SYN3: variants seen among roughly 807,000 people sequenced by gnomAD.
SYN3 encodes synapsin III.
SYN3 carries 35 observed loss-of-function variants against 65.8 expected under a neutral mutation model. That is an observed-to-expected ratio of 0.53 (90% CI 0.41 to 0.70). The LOEUF is 0.70. Among genes scored for constraint, SYN3 ranks in the 30% least tolerant of loss-of-function variants. The pLI is 0.00. For synonymous variants in SYN3, 270 were observed against 292.9 expected (o/e 0.92, Z 0.80); for missense variants, 680 against 749.0 (o/e 0.91, Z 1.08).
rs556671967 is a variant in SYN3 at position 32,978,744 on chromosome 22, A to C, written c.369+1901T>G. 2.0e-5 allele frequency among the ~76,000 whole-genome samples: 3 copies of C among 152,314 alleles called. No individual in the cohort carries two copies. In the South Asian group the frequency reaches 6.2e-4, roughly 32 times the overall value. On this transcript the variant is annotated intron_variant, in intron 3 of 13. Transcript: ENST00000358763. ...ACTAGCTGTGTGACCTGCCTGGGCA[A>C]TTTATTAAGCTCTCTGAGCCCAAGT...
At chr22:32,687,052 C>T (rs1301407735) in intron 6 of SYN3, among the ~76,000 whole-genome samples, 2 of 152,198 alleles carry the variant, frequency 1.3e-5, no homozygotes, top group African/African-American at 4.8e-5. Flanking sequence ...ATAGCTTTCT[C>T]CATCTCAGAA....
At chr22:32,551,786 A>C (rs1246950054) in intron 7 of SYN3, among the ~76,000 whole-genome samples, 1 of 152,204 alleles carries the variant, frequency 6.6e-6, no homozygotes, top group African/African-American at 2.4e-5. Context: ...AAATGACTTG[A>C]TATCTGAGAT....
chr22:32,980,760 C>T lies in SYN3; in HGVS notation c.312-58G>A, dbSNP rs955681794. On this transcript the variant is annotated intron_variant, in intron 2 of 13. Coordinates refer to ENST00000358763, the MANE Select transcript of SYN3 (RefSeq NM_003490.4). ...TGCAGGCTGTTTTACTCTTTTCTCC[C>T]TTCTCCCAAAGGCCTTACCCCAGAG... is the stretch of plus-strand genomic sequence containing the variant. 1.9e-6 allele frequency: 3 copies of T among 1,545,872 alleles called. No homozygotes were observed. The African/African-American group carries it at 4.1e-5, about 21-fold the overall frequency.
At chr22:32,732,431 C>A (rs1050854332) in intron 6 of SYN3, among the ~76,000 whole-genome samples, 4 of 152,212 alleles carry the variant, frequency 2.6e-5, no homozygotes, top group African/African-American at 9.6e-5. Flanking sequence ...AAATCCAACC[C>A]TTTCCACTAC....
intron 4 of SYN3, among the ~76,000 whole-genome samples, chr22:32,870,598 A>C (rs1003985316): frequency 2.6e-5 from 4 of 152,216 alleles, no homozygotes; most frequent in Admixed American, 2.0e-4. Flanking sequence ...TAAGATACCC[A>C]AAAAAAGTTC....
At chr22:32,593,536 G>A (rs550490086) in intron 7 of SYN3, among the ~76,000 whole-genome samples, 1 of 152,218 alleles carries the variant, frequency 6.6e-6, no homozygotes, top group African/African-American at 2.4e-5. Context: ...TGACTCCCAG[G>A]TTTCTGTTTT....
chr22:32,776,849 T>A (rs558730165), intron 6 of SYN3, among the ~76,000 whole-genome samples: 1 of 152,302 alleles, frequency 6.6e-6, no homozygotes, highest in South Asian at 2.1e-4. Context: ...AAGGCTACCC[T>A]GGTCATCACT....
chr22:32,647,791 TAG>T (rs1029825060), intron 6 of SYN3, among the ~76,000 whole-genome samples: 7 of 152,152 alleles, frequency 4.6e-5, no homozygotes, highest in African/African-American at 1.7e-4. Context: ...GTATTCTTAG[TAG>T]AGACAGGGTT....
intron 3 of SYN3, among the ~76,000 whole-genome samples, chr22:32,952,681 C>G (rs563458610): frequency 2.6e-4 from 39 of 152,076 alleles, no homozygotes; most frequent in Admixed American, 2.6e-3. Flanking sequence ...CTCGAGCCCA[C>G]GAGTTCAAGG....
intron 7 of SYN3, among the ~76,000 whole-genome samples, chr22:32,559,520 A>G (rs773096744): frequency 3.9e-5 from 6 of 152,212 alleles, no homozygotes; most frequent in Non-Finnish European, 7.3e-5. Context: ...AGAGAAAGGC[A>G]GTCTCCTAAT....
At chr22:32,707,188 G>A (rs566427799) in intron 6 of SYN3, among the ~76,000 whole-genome samples, 4 of 152,300 alleles carry the variant, frequency 2.6e-5, no homozygotes, top group Middle Eastern at 6.8e-3. Flanking sequence ...AACGCATAAA[G>A]ACTCTCAGTC....
chr22:32,993,226 C>T (rs1197367173), intron 2 of SYN3, among the ~76,000 whole-genome samples: 1 of 152,138 alleles, frequency 6.6e-6, no homozygotes. Flanking sequence ...CTGTTCCTGC[C>T]ACCTAGATCT....
chr22:32,659,746 A>G lies in SYN3; in HGVS notation c.712-63010T>C, dbSNP rs374378382. Reference sequence around the variant, plus strand: ...TTTTTTGCTGCCTGTCTTGTTTCTCATATATACATGGGCAGGCAACCTGGA... The same window carrying G: ...TTTTTTGCTGCCTGTCTTGTTTCTCGTATATACATGGGCAGGCAACCTGGA... On this transcript the variant is annotated intron_variant, in intron 6 of 13. Transcript: ENST00000358763. Among the ~76,000 whole-genome samples, 46 of 152,262 alleles carry G rather than the reference A, an allele frequency of 3.0e-4. 1 individual carries two copies. The South Asian group carries it at 5.6e-3, about 19-fold the overall frequency.
At chr22:32,699,646 A>G (rs2060785295) in intron 6 of SYN3, among the ~76,000 whole-genome samples, 3 of 152,208 alleles carry the variant, frequency 2.0e-5, no homozygotes, top group Admixed American at 2.0e-4. Context: ...GAGGATAGAC[A>G]AAAAAGATAC....
chr22:32,523,665 C>A (rs1009005463), intron 12 of SYN3, among the ~76,000 whole-genome samples: 6 of 152,126 alleles, frequency 3.9e-5, no homozygotes, highest in African/African-American at 1.4e-4. Flanking sequence ...GAAATTGGAC[C>A]AGTTAAGAAC....
At chr22:32,537,792 A>G (rs2058189669) in intron 9 of SYN3, among the ~76,000 whole-genome samples, 2 of 152,170 alleles carry the variant, frequency 1.3e-5, no homozygotes, top group Admixed American at 1.3e-4. Context: ...TAGCTCTGTG[A>G]TCCTAGACAA....
At chr22:32,752,194 G>A (rs1050791431) in intron 6 of SYN3, among the ~76,000 whole-genome samples, 1 of 152,204 alleles carries the variant, frequency 6.6e-6, no homozygotes, top group African/African-American at 2.4e-5. Context: ...TGAGGGTAAA[G>A]CTGGGAACAG....
At chr22:32,963,836 T>C (rs887452854) in intron 3 of SYN3, among the ~76,000 whole-genome samples, 2 of 152,050 alleles carry the variant, frequency 1.3e-5, no homozygotes, top group Non-Finnish European at 2.9e-5. Flanking sequence ...ACCAAAGCAA[T>C]TGTACAAGAA....
intron 1 of SYN3, among the ~76,000 whole-genome samples, chr22:33,031,202 G>C (rs773756501): frequency 5.3e-5 from 8 of 152,176 alleles, no homozygotes; most frequent in Non-Finnish European, 1.0e-4. Flanking sequence ...CTGGAAAGCA[G>C]AGAAAGCAAA....
Sources: gnomAD v4.1 joint callset for allele counts (sites outside exome capture counted in the v4.1 genomes callset) on GRCh38, gnomAD v4.1.1 for gene constraint, MANE v1.5 for transcripts, NCBI Gene and HGNC (gene_info 2026-07-23, HGNC 2026-07-21) for gene names.